Variants in ATP9A observed in about 807,000 individuals in gnomAD.
The protein encoded by ATP9A is probable phospholipid-transporting ATPase IIA.
A neutral mutation model predicts 144.1 loss-of-function variants in ATP9A; 52 were observed. The ratio of observed to expected loss-of-function variants is 0.36; its 90% CI spans 0.29 to 0.45. ATP9A has a LOEUF of 0.45. Among genes scored for constraint, ATP9A ranks in the 20% least tolerant of loss-of-function variants. The pLI is 1.00. For synonymous variants in ATP9A, 582 were observed against 557.4 expected (o/e 1.04, Z -0.62); for missense variants, 947 against 1,392.7 (o/e 0.68, Z 5.09).
intron 7 of ATP9A, among the ~76,000 whole-genome samples, chr20:51,691,028 C>A (rs2077546470): frequency 6.6e-6 from 1 of 152,186 alleles, no homozygotes; most frequent in Non-Finnish European, 1.5e-5. Context: ...CCCTGACAGA[C>A]TCTACAGTGA....
chr20:51,635,822 A>AAGGAAGGAAGGGAGGGAGGGAGGG (rs1270595027), intron 15 of ATP9A, among the ~76,000 whole-genome samples: 1 of 119,346 alleles, frequency 8.4e-6, no homozygotes, highest in African/African-American at 3.3e-5. Context: ...GGAAGGAAGG[A>AAGGAAGGAAGGGAGGGAGGGAGGG]AGGGAGGGAG....
Position 51,611,959 on chromosome 20 carries a change from T to TG in ATP9A, c.2571+1717_2571+1718insC, listed in dbSNP as rs2077186451. Among the ~76,000 whole-genome samples, 1 of 152,370 alleles carries TG rather than the reference T, an allele frequency of 6.6e-6. No individual in the cohort carries two copies. Among genetic ancestry groups the TG allele is most frequent in the South Asian group, 2.1e-4 (1 of 4,830 alleles). ...AATTCTCATGTACCCAAAGCAGCAC[T>TG]ACCTGATACATTGTACAAGGCAGAC... On this transcript the variant is annotated intron_variant, in intron 23 of 27. Transcript: ENST00000338821. This position sits in a 1 kb window ranked among gnomAD's most constrained non-coding sequence, Gnocchi z 4.2.
At chr20:51,717,587 G>C (rs1400634050) in intron 3 of ATP9A, among the ~76,000 whole-genome samples, 1 of 152,078 alleles carries the variant, frequency 6.6e-6, no homozygotes, top group Non-Finnish European at 1.5e-5. Context: ...TATAGTCAAA[G>C]GGAAAACAGG....
chr20:51,763,156 C>T lies in ATP9A; in HGVS notation c.68+5146G>A, dbSNP rs961722379. Among the ~76,000 whole-genome samples the T allele has an allele frequency of 5.3e-5, 8 of 152,170 alleles. No individual in the cohort carries two copies. In the East Asian group the frequency reaches 1.2e-3, roughly 22 times the overall value. ...AGGGCAAACCTATGGAATCAGAAAGCGGATCACTGGTTGCCTGGGACTGGG... is the reference window on the plus strand; with the variant it reads ...AGGGCAAACCTATGGAATCAGAAAGTGGATCACTGGTTGCCTGGGACTGGG... On this transcript the variant is annotated intron_variant, in intron 1 of 27. Coordinates refer to ENST00000338821, the MANE Select transcript of ATP9A (RefSeq NM_006045.3).
chr20:51,763,583 G>C (rs1448766462), intron 1 of ATP9A, among the ~76,000 whole-genome samples: 2 of 152,116 alleles, frequency 1.3e-5, no homozygotes, highest in African/African-American at 2.4e-5. Context: ...AAAGTGCTGG[G>C]ATTACAGGAA....
intron 11 of ATP9A, among the ~76,000 whole-genome samples, 171 bp downstream of exon 11, chr20:51,673,982 G>A (rs1045827740): frequency 6.6e-6 from 1 of 152,028 alleles, no homozygotes; most frequent in Non-Finnish European, 1.5e-5. Flanking sequence ...CCTGGGAGGT[G>A]GAGGTTGCAG....
At chr20:51,658,888 C>CGGGGGGGGGGGGGG (rs11477336) in intron 13 of ATP9A, among the ~76,000 whole-genome samples, 3 of 54,824 alleles carry the variant, frequency 5.5e-5, no homozygotes, top group African/African-American at 2.5e-4. Context: ...AGACCACTGG[C>CGGGGGGGGGGGGGG]GGGGGGGGGG....
At position 51,629,054 on chromosome 20, in the gene ATP9A, T is replaced by C; in HGVS notation, c.1687A>G (p.Ile563Val). Residue 563 changes from isoleucine to valine, a missense_variant, in exon 16 of 28, where the codon ATT (isoleucine) becomes GTT (valine). Transcript: ENST00000338821. ...TCTGCTCCCTTCATGTAAAACGTAA[T>C]TTCTCCAGTTGATTCATCCTAGAGA... ...IIVRDESTGE[I>V]TFYMKGADVV... 1 of 1,613,948 alleles carries C rather than the reference T, an allele frequency of 6.2e-7. No homozygotes were observed. The highest frequency in any genetic ancestry group is 8.5e-7 in the Non-Finnish European group (1 of 1,179,794).
intron 14 of ATP9A, among the ~76,000 whole-genome samples, chr20:51,648,120 A>T (rs1033063340): frequency 2.0e-5 from 3 of 152,216 alleles, no homozygotes; most frequent in Non-Finnish European, 2.9e-5. Flanking sequence ...ATTCATGCAC[A>T]CATCTGAATG....
chr20:51,685,569 AAAAAGAAAAGAAAAAAG>A (rs1358820851), intron 9 of ATP9A, among the ~76,000 whole-genome samples: 1 of 126,594 alleles, frequency 7.9e-6, no homozygotes, highest in African/African-American at 3.0e-5. Context: ...GTCTCAGAAA[AAAAAGAAAAGAAAAAAG>A]AAAAGAAAAG....
Position 51,658,888 on chromosome 20 carries a change from C to CGGTGGGG in ATP9A, c.1294-1739_1294-1738insCCCCACC, listed in dbSNP as rs746874247. Among the ~76,000 whole-genome samples, 65 of 54,796 alleles carry CGGTGGGG rather than the reference C, an allele frequency of 1.2e-3. 2 individuals are homozygous for CGGTGGGG. The East Asian group carries it at 0.038, about 32-fold the overall frequency. 35.9% of individuals were successfully genotyped at this position (54,796 alleles called of 152,430 possible). A position where few individuals can be genotyped will look rare whatever the true frequency, so the allele number is the denominator to read the frequency against. Reference sequence around the variant, plus strand: ...ATATAATGAAAATTAAGACCACTGGCGGGGGGGGGGGGGGGAAGGCTCATT... The same window carrying CGGTGGGG: ...ATATAATGAAAATTAAGACCACTGGCGGTGGGGGGGGGGGGGGGGGGGAAGGCTCATT... On this transcript the variant is annotated intron_variant, in intron 13 of 27. Coordinates refer to ENST00000338821, the MANE Select transcript of ATP9A (RefSeq NM_006045.3).
At chr20:51,601,372 G>A (rs2077142357) in intron 27 of ATP9A, 25 bp from the exon 28 acceptor site, 1 of 1,591,836 alleles carries the variant, frequency 6.3e-7, no homozygotes, top group Non-Finnish European at 8.6e-7. Context: ...GAAGACGGCA[G>A]TGAGCAGGCA....
intron 27 of ATP9A, among the ~76,000 whole-genome samples, chr20:51,602,117 C>T (rs2077145624): frequency 6.6e-6 from 1 of 152,004 alleles, no homozygotes; most frequent in South Asian, 2.1e-4. Flanking sequence ...TGTTCAGACC[C>T]CCTTGTCAGA....
At chr20:51,635,147 C>T (rs1432531380) in intron 15 of ATP9A, among the ~76,000 whole-genome samples, 6 of 152,206 alleles carry the variant, frequency 3.9e-5, no homozygotes, top group Admixed American at 6.5e-5. Flanking sequence ...CTCATTCACT[C>T]TCACCTGCTC....
intron 7 of ATP9A, among the ~76,000 whole-genome samples, chr20:51,691,361 C>T (rs998896521): frequency 6.6e-6 from 1 of 152,156 alleles, no homozygotes; most frequent in African/African-American, 2.4e-5. Flanking sequence ...TGCGGCTACT[C>T]AGGAGGCTGA....
intron 4 of ATP9A, among the ~76,000 whole-genome samples, chr20:51,702,355 TGTGTGTGTTC>T (rs1359685258): frequency 7.4e-6 from 1 of 135,328 alleles, no homozygotes; most frequent in Non-Finnish European, 1.5e-5. Context: ...TGCTTCATGG[TGTGTGTGTTC>T]GTGTGTGTGT....
intron 1 of ATP9A, among the ~76,000 whole-genome samples, chr20:51,758,532 T>A (rs149601418): frequency 6.6e-6 from 1 of 152,194 alleles, no homozygotes; most frequent in Non-Finnish European, 1.5e-5. Flanking sequence ...TTCCAACTTA[T>A]TGCATGCAAG....
At chr20:51,630,501 G>A (rs990785651) in intron 15 of ATP9A, among the ~76,000 whole-genome samples, 1 of 152,022 alleles carries the variant, frequency 6.6e-6, no homozygotes, top group Non-Finnish European at 1.5e-5. Flanking sequence ...TCAGGAGTTC[G>A]AGACCAGCCT....
intron 1 of ATP9A, among the ~76,000 whole-genome samples, chr20:51,739,463 T>C: frequency 6.7e-6 from 1 of 149,612 alleles, no homozygotes; most frequent in Non-Finnish European, 1.5e-5. Context: ...GCCATTCTCC[T>C]CCCTCAGCCT....
Sources: gnomAD v4.1 joint callset for allele counts (sites outside exome capture counted in the v4.1 genomes callset) on GRCh38, gnomAD v4.1.1 for gene constraint, Gnocchi (gnomAD v3.1) non-coding constraint, MANE v1.5 for transcripts, NCBI Gene and HGNC (gene_info 2026-07-23, HGNC 2026-07-21) for gene names.